Variants in ANKS1B observed in about 807,000 individuals in gnomAD.
ANKS1B encodes ankyrin repeat and sterile alpha motif domain-containing protein 1B.
Under a neutral mutation model 148.3 loss-of-function variants are expected in ANKS1B, and 36 were observed. That is an observed-to-expected ratio of 0.24 (90% confidence interval 0.19 to 0.32). The LOEUF (loss-of-function observed/expected upper bound fraction) is 0.32. Ranked by LOEUF, ANKS1B falls within the 10% of genes least tolerant of loss-of-function variation. The pLI is 1.00. For synonymous variants in ANKS1B, 542 were observed against 560.8 expected (o/e 0.97, Z 0.47); for missense variants, 1,157 against 1,542.6 (o/e 0.75, Z 4.19).
intron 9 of ANKS1B, among the ~76,000 whole-genome samples, chr12:99,589,207 G>A (rs1418670883): frequency 6.6e-6 from 1 of 152,194 alleles, no homozygotes; most frequent in African/African-American, 2.4e-5. Flanking sequence ...CCTTTTCAAA[G>A]GTGAATGGAA....
chr12:99,963,016 T>G (rs1400996478), intron 1 of ANKS1B, among the ~76,000 whole-genome samples: 3 of 152,214 alleles, frequency 2.0e-5, no homozygotes, highest in East Asian at 3.9e-4. Context: ...GGTTTCACCG[T>G]GTTAGCCAGA....
chr12:99,169,239 G>T (rs562537626), intron 14 of ANKS1B, among the ~76,000 whole-genome samples: 1 of 152,258 alleles, frequency 6.6e-6, no homozygotes, highest in Non-Finnish European at 1.5e-5. Context: ...TTAGAGACAT[G>T]ACTTCCTATT....
At chr12:99,024,830 C>A (rs2153448080) in intron 17 of ANKS1B, among the ~76,000 whole-genome samples, 1 of 152,246 alleles carries the variant, frequency 6.6e-6, no homozygotes, top group South Asian at 2.1e-4. Context: ...GAAAAATATG[C>A]TTGTGTCTTA....
intron 8 of ANKS1B, among the ~76,000 whole-genome samples, chr12:99,670,694 A>G (rs1037584661): frequency 6.6e-6 from 1 of 152,154 alleles, no homozygotes; most frequent in Admixed American, 6.6e-5. Flanking sequence ...GTATTAGAAA[A>G]CATAAAGAGG....
At chr12:99,895,637 CT>C (rs2093354304) in intron 1 of ANKS1B, among the ~76,000 whole-genome samples, 1 of 149,560 alleles carries the variant, frequency 6.7e-6, no homozygotes, top group African/African-American at 2.4e-5. Context: ...ACATGACTTT[CT>C]GGATTGAAAG....
At chr12:99,290,232 T>G (rs1268110633) in intron 12 of ANKS1B, among the ~76,000 whole-genome samples, 1 of 143,402 alleles carries the variant, frequency 7.0e-6, no homozygotes, top group African/African-American at 2.7e-5. Context: ...ATCCAAAACC[T>G]GAATAGACTA....
At chr12:99,575,607 C>G (rs2097509641) in intron 9 of ANKS1B, among the ~76,000 whole-genome samples, 1 of 151,960 alleles carries the variant, frequency 6.6e-6, no homozygotes. Flanking sequence ...AGGGGAAACC[C>G]CTTATCAAAT....
intron 17 of ANKS1B, among the ~76,000 whole-genome samples, chr12:98,914,453 T>C (rs974047326): frequency 1.3e-5 from 2 of 152,186 alleles, no homozygotes; most frequent in Admixed American, 6.5e-5. Context: ...TCAGCAGTCA[T>C]GTCTACTCCA....
At chr12:99,840,935 T>C (rs982292963) in intron 1 of ANKS1B, among the ~76,000 whole-genome samples, 4 of 152,134 alleles carry the variant, frequency 2.6e-5, no homozygotes, top group Admixed American at 2.0e-4. Context: ...TTCTCATGGA[T>C]ACCTTTTCAG....
intron 8 of ANKS1B, among the ~76,000 whole-genome samples, chr12:99,688,751 G>A (rs750156815): frequency 5.9e-5 from 9 of 152,018 alleles, no homozygotes; most frequent in Non-Finnish European, 1.0e-4. Flanking sequence ...TGAGGTGGAA[G>A]GATTGCTTGA....
At chr12:99,267,041 A>G (rs1044941503) in intron 12 of ANKS1B, among the ~76,000 whole-genome samples, 2 of 152,180 alleles carry the variant, frequency 1.3e-5, no homozygotes, top group Non-Finnish European at 2.9e-5. Context: ...AGTATTTGGA[A>G]CAAATAGGCA....
chr12:99,147,277 T>C (rs754245096), intron 15 of ANKS1B, among the ~76,000 whole-genome samples: 7 of 151,874 alleles, frequency 4.6e-5, no homozygotes, highest in African/African-American at 1.7e-4. Flanking sequence ...AGCTAAAGGA[T>C]AAAAAGGAGT....
At chr12:99,819,352 G>A (rs916967792) in intron 2 of ANKS1B, among the ~76,000 whole-genome samples, 2 of 151,790 alleles carry the variant, frequency 1.3e-5, no homozygotes, top group Admixed American at 6.6e-5. Context: ...GACTAAAGAT[G>A]TTTCTAGTTA....
At chr12:99,646,439 C>T (rs1007790630) in intron 9 of ANKS1B, among the ~76,000 whole-genome samples, 6 of 152,048 alleles carry the variant, frequency 3.9e-5, no homozygotes, top group East Asian at 3.9e-4. Context: ...GGGCGAATCA[C>T]GAGGTCAGGA....
intron 12 of ANKS1B, among the ~76,000 whole-genome samples, chr12:99,396,581 A>G (rs2094250655): frequency 6.6e-6 from 1 of 152,150 alleles, no homozygotes; most frequent in Non-Finnish European, 1.5e-5. Flanking sequence ...AGACCTGAAA[A>G]TATCCTGATG....
intron 12 of ANKS1B, among the ~76,000 whole-genome samples, chr12:99,321,310 C>A (rs962095845): frequency 1.8e-4 from 27 of 152,204 alleles, no homozygotes; most frequent in African/African-American, 6.5e-4. Flanking sequence ...GAGGTGGAGT[C>A]CACAGAGGCA....
At chr12:99,507,952 A>G (rs2096728666) in intron 9 of ANKS1B, among the ~76,000 whole-genome samples, 1 of 151,756 alleles carries the variant, frequency 6.6e-6, no homozygotes, top group African/African-American at 2.4e-5. Flanking sequence ...TTCCTCCTCT[A>G]CCAGGGCTAA....
intron 1 of ANKS1B, among the ~76,000 whole-genome samples, chr12:99,865,503 A>G (rs1675411073): frequency 1.3e-5 from 2 of 152,218 alleles, no homozygotes; most frequent in Admixed American, 1.3e-4. Flanking sequence ...CATCCTGGAT[A>G]GACTGTAAAA....
At chr12:99,464,725 G>T (rs1316765916) in intron 10 of ANKS1B, among the ~76,000 whole-genome samples, 6 of 152,172 alleles carry the variant, frequency 3.9e-5, no homozygotes, top group Non-Finnish European at 8.8e-5. Flanking sequence ...AATGAAGCCA[G>T]AAGGGAAGTT....
Sources: allele counts gnomAD v4.1 joint callset (sites outside exome capture counted in the v4.1 genomes callset), GRCh38; gene constraint gnomAD v4.1.1; transcripts MANE v1.5; gene names NCBI Gene and HGNC (gene_info 2026-07-23, HGNC 2026-07-21).